The following UPRT variants were observed in gnomAD, a reference collection of about 807,000 sequenced individuals.
UPRT encodes the protein uracil phosphoribosyltransferase homolog, also known as RP11-311P8.3.
UPRT carries 5 observed loss-of-function variants against 22.6 expected under a neutral mutation model. That is an observed-to-expected ratio of 0.22 (90% CI 0.12 to 0.47). UPRT has a LOEUF of 0.47. Among genes scored for constraint, UPRT ranks in the 20% least tolerant of loss-of-function variants. The pLI is 0.99. For synonymous variants in UPRT, 77 were observed against 87.7 expected (o/e 0.88, Z 0.68); for missense variants, 181 against 239.9 (o/e 0.75, Z 1.62).
chrX:75,251,866 A>G (rs755707768), intron 4 of UPRT, among the ~76,000 whole-genome samples: 132 of 111,041 alleles, frequency 1.2e-3, no homozygotes, highest in African/African-American at 4.2e-3. Context: ...AAACAGAGAT[A>G]TAGACCAATG....
chrX:75,163,998 C>T (rs1020566840), intron 3 of UPRT, among the ~76,000 whole-genome samples: 7 of 110,571 alleles, frequency 6.3e-5, no homozygotes, highest in African/African-American at 9.9e-5. Context: ...GCCAACATGG[C>T]GAAACCCCAT....
At chrX:75,279,662 A>G (rs1356217132) in intron 1 of UPRT, among the ~76,000 whole-genome samples, 3 of 110,714 alleles carry the variant, frequency 2.7e-5, no homozygotes, top group Admixed American at 9.7e-5. Flanking sequence ...ATTTTTTTCC[A>G]TAAGTTATTG....
chrX:75,265,291 A>G (rs1187001413), intron 4 of UPRT, among the ~76,000 whole-genome samples: 1 of 111,500 alleles, frequency 9.0e-6, no homozygotes, highest in Non-Finnish European at 1.9e-5. Context: ...ACTTGGTTCC[A>G]TTCTCCCCAT....
At chrX:75,293,605 G>C (rs1166490740) in intron 2 of UPRT, 91 bp downstream of exon 2, 1 of 938,121 alleles carries the variant, frequency 1.1e-6, no homozygotes, top group Admixed American at 3.2e-5. Context: ...AGAGCATTCT[G>C]GGGCTGAAAG....
intron 4 of UPRT, among the ~76,000 whole-genome samples, chrX:75,263,628 C>T (rs2082576590): frequency 9.1e-6 from 1 of 109,742 alleles, no homozygotes; most frequent in Non-Finnish European, 1.9e-5. Context: ...ATTAGTCTTG[C>T]TAGCAGTCTA....
intron 4 of UPRT, among the ~76,000 whole-genome samples, chrX:75,235,639 C>T (rs2082459173): frequency 9.0e-6 from 1 of 111,627 alleles, no homozygotes; most frequent in African/African-American, 3.3e-5. Context: ...AAGGCTGGTT[C>T]AATATACGCA....
At chrX:75,233,924 C>T (rs1462650604) in intron 4 of UPRT, among the ~76,000 whole-genome samples, 2 of 110,216 alleles carry the variant, frequency 1.8e-5, no homozygotes, top group South Asian at 7.9e-4. Flanking sequence ...GGATCAAATT[C>T]ACACATAACA....
At chrX:75,175,583 C>T (rs920907384) in intron 4 of UPRT, among the ~76,000 whole-genome samples, 17 of 111,880 alleles carry the variant, frequency 1.5e-4, no homozygotes, top group South Asian at 3.8e-4. Flanking sequence ...GCGCTTGCCC[C>T]GGGCACCCTC....
chrX:75,172,354 A>G (rs1429440050), intron 4 of UPRT, among the ~76,000 whole-genome samples: 1 of 111,073 alleles, frequency 9.0e-6, no homozygotes, highest in South Asian at 3.8e-4. Flanking sequence ...CCAAGTTATC[A>G]GGGAAGTGGG....
intron 4 of UPRT, among the ~76,000 whole-genome samples, chrX:75,215,427 G>A (rs967611031): frequency 4.5e-5 from 5 of 111,534 alleles, no homozygotes; most frequent in Non-Finnish European, 7.5e-5. Flanking sequence ...TCAGCAAAAC[G>A]AAAAGCTGGT....
intron 4 of UPRT, among the ~76,000 whole-genome samples, chrX:75,184,807 A>G (rs956949110): frequency 6.3e-5 from 7 of 111,465 alleles, no homozygotes; most frequent in Admixed American, 1.9e-4. Context: ...GAGTTCACTC[A>G]TGATTTGGCT....
At chrX:75,266,950 G>A (rs1390085279) in intron 4 of UPRT, among the ~76,000 whole-genome samples, 1 of 111,336 alleles carries the variant, frequency 9.0e-6, no homozygotes, top group African/African-American at 3.3e-5. Context: ...AGGTTCTGGA[G>A]AGGATGTGGA....
intron 4 of UPRT, among the ~76,000 whole-genome samples, chrX:75,216,173 C>A (rs1449062818): frequency 8.9e-6 from 1 of 112,082 alleles, no homozygotes; most frequent in South Asian, 3.6e-4. Context: ...ATGCCACAAT[C>A]AAGTGGTAAT....
chrX:75,275,872 G>A (rs766346021), intron 1 of UPRT, among the ~76,000 whole-genome samples: 1 of 110,726 alleles, frequency 9.0e-6, no homozygotes, highest in Non-Finnish European at 1.9e-5. Context: ...ACTGCCCCCC[G>A]GCTAATTTTT....
At chrX:75,179,212 T>C (rs912698456) in intron 4 of UPRT, among the ~76,000 whole-genome samples, 2 of 111,350 alleles carry the variant, frequency 1.8e-5, no homozygotes, top group African/African-American at 6.6e-5. Flanking sequence ...ACACAGAGTG[T>C]CGATTGGTGC....
chrX:75,230,282 C>A (rs2082434270), intron 4 of UPRT, among the ~76,000 whole-genome samples: 1 of 111,581 alleles, frequency 9.0e-6, no homozygotes, highest in Admixed American at 9.5e-5. Flanking sequence ...AGAGTCTGAT[C>A]TCAGACCTGC....
chrX:75,186,907 T>C (rs1359388629), intron 4 of UPRT, among the ~76,000 whole-genome samples: 1 of 111,798 alleles, frequency 8.9e-6, no homozygotes, highest in Non-Finnish European at 1.9e-5. Flanking sequence ...ATTTTGAGCC[T>C]ATGTGTGTCT....
chrX:75,296,565 T>A lies in UPRT; in HGVS notation c.499+154T>A, dbSNP rs1019896362. Among the ~76,000 whole-genome samples, 4 of 112,110 alleles carry A rather than the reference T, an allele frequency of 3.6e-5. No homozygotes were observed. In the South Asian group the frequency reaches 1.5e-3, roughly 42 times the overall value. On this transcript the variant is annotated intron_variant, in intron 3 of 6. Coordinates refer to ENST00000373383, the MANE Select transcript of UPRT (RefSeq NM_145052.4). The stretch of plus-strand genomic sequence containing the variant: ...AAATCTTAAAAATAAAACTCAGGCA[T>A]TTAGGAAAGAAATCTGTGTAGATGA...
At chrX:75,275,846 A>G (rs760679059) in intron 1 of UPRT, among the ~76,000 whole-genome samples, 1 of 110,989 alleles carries the variant, frequency 9.0e-6, no homozygotes, top group Non-Finnish European at 1.9e-5. Context: ...AGTAGCTGGG[A>G]CTACAGGGAC....
Sources: allele counts gnomAD v4.1 joint callset (sites outside exome capture counted in the v4.1 genomes callset), GRCh38; gene constraint gnomAD v4.1.1; transcripts MANE v1.5; gene names NCBI Gene and HGNC (gene_info 2026-07-23, HGNC 2026-07-21).